Variants in LLGL1 observed in about 807,000 individuals in gnomAD.
LLGL1 encodes lethal(2) giant larvae protein homolog 1.
LLGL1 carries 58 observed loss-of-function variants against 110.6 expected under a neutral mutation model. That is an observed-to-expected ratio of 0.52 (90% CI 0.42 to 0.65). LLGL1 has a LOEUF of 0.65. Among genes scored for constraint, LLGL1 ranks in the 30% least tolerant of loss-of-function variants. LLGL1 has a pLI of 0.00. For missense variants in LLGL1, 1,229 were observed against 1,462.1 expected (o/e 0.84, Z 2.60); for synonymous variants, 674 against 607.2 (o/e 1.11, Z -1.62).
chr17:18,227,076 T>G (rs931087996), intron 1 of LLGL1, among the ~76,000 whole-genome samples: 8 of 152,176 alleles, frequency 5.3e-5, no homozygotes, highest in African/African-American at 9.7e-5. Flanking sequence ...GCCAGTGTTG[T>G]GCCAGGCGCC....
Position 18,240,704 on chromosome 17 carries a change from T to C in LLGL1, c.2333T>C (p.Leu778Pro). The change falls in exon 17 of 23, where the codon CTG (leucine) becomes CCG (proline). Residue 778 changes from leucine (L) to proline (P), a missense_variant. Coordinates refer to ENST00000316843, the MANE Select transcript of LLGL1 (RefSeq NM_004140.4). This position sits in a 1 kb window ranked among gnomAD's most constrained non-coding sequence, Gnocchi z 5.3. ...KRPEQAVEAV[L>P]GKEVQLMHRA... ...CCTGAGCAAGCGGTGGAGGCCGTGC[T>C]GGGCAAGGAGGTGCAGCTGATGCAC... 2 of 1,612,986 alleles carry C rather than the reference T, an allele frequency of 1.2e-6. No homozygotes were observed. Among genetic ancestry groups the C allele is most frequent in the African/African-American group, 1.3e-5 (1 of 75,034 alleles).
At chr17:18,231,592 T>A (rs1395441050) in intron 2 of LLGL1, among the ~76,000 whole-genome samples, 1 of 152,242 alleles carries the variant, frequency 6.6e-6, no homozygotes, top group African/African-American at 2.4e-5. Context: ...ATGGGCAGGC[T>A]GGAGTCTCTC....
chr17:18,237,676 G>T lies in LLGL1; in HGVS notation c.1807G>T (p.Ala603Ser), dbSNP rs139750751. 1.2e-6 allele frequency: 2 copies of T among 1,612,754 alleles called. No homozygotes were observed. The highest frequency in any genetic ancestry group is 1.1e-5 in the South Asian group (1 of 91,060). ...VQCLPPAAVT[A>S]VTLHTEWSLV... is the part of the protein sequence containing the mutation. ...GTGCCTGCCGCCAGCTGCTGTAACC[G>T]CTGTCACACTCCACACCGAGTGGAG... Residue 603 changes from alanine to serine, a missense_variant, in exon 14 of 23, where the codon GCT (alanine) becomes TCT (serine). Physicochemically the swap from Ala to Ser is moderately conservative, Grantham distance 99. Transcript: ENST00000316843.
At position 18,237,661 on chromosome 17, in the gene LLGL1, C is replaced by T. The variant is rs757553068; in HGVS notation, c.1792C>T (p.Pro598Ser). Residue 598 changes from proline to serine, a missense_variant, in exon 14 of 23, where the codon CCA becomes TCA. Physicochemically the swap from Pro to Ser is moderately conservative, Grantham distance 74. Coordinates refer to ENST00000316843, the MANE Select transcript of LLGL1 (RefSeq NM_004140.4). ...CCGTGTCCTGGTGCAGTGCCTGCCG[C>T]CAGCTGCTGTAACCGCTGTCACACT... ...QPRVLVQCLPPAAVTAVTLHT... is the reference protein window; with the variant it reads ...QPRVLVQCLPSAAVTAVTLHT... The T allele has an allele frequency of 1.2e-6, 2 of 1,612,442 alleles. No individual in the cohort carries two copies. The highest frequency in any genetic ancestry group is 8.5e-7 in the Non-Finnish European group (1 of 1,179,978).
chr17:18,228,886 C>A (rs1003098491), intron 1 of LLGL1, among the ~76,000 whole-genome samples: 1 of 151,914 alleles, frequency 6.6e-6, no homozygotes, highest in East Asian at 1.9e-4. Flanking sequence ...GGCCAGACAG[C>A]TAGGCCGTGA....
Position 18,241,646 on chromosome 17 carries a change from C to T in LLGL1, c.2698C>T (p.His900Tyr). The T allele has an allele frequency of 6.8e-6, 11 of 1,613,728 alleles. No homozygotes were observed. The highest frequency in any genetic ancestry group is 2.2e-5 in the East Asian group (1 of 44,884). ...GGTGCCTGGCCTGCGGCCCCAGGTG[C>T]ACTATTCCTGCATCCGGAAGGAGGA... is the stretch of plus-strand genomic sequence containing the variant. ...FSVPGLRPQV[H>Y]YSCIRKEDIS... Residue 900 changes from histidine to tyrosine, a missense_variant, in exon 18 of 23, where the codon CAC (histidine) becomes TAC (tyrosine). By Grantham distance (83) the His-to-Tyr change is moderately conservative. Transcript: ENST00000316843.
At position 18,237,547 on chromosome 17, in the gene LLGL1, C is replaced by A. The variant is rs1214972176; in HGVS notation, c.1678C>A (p.Leu560Ile). Residue 560 changes from leucine (L) to isoleucine (I), a missense_variant, in exon 14 of 23, where the codon CTC becomes ATC. Physicochemically the swap from Leu to Ile is conservative, Grantham distance 5 (BLOSUM62 2). Transcript: ENST00000316843. ...GGTCAGCGTGGCCATCATAGACCTC[C>A]TCCAGGACCGCGAGGGCTTCACATG... ...QAVSVAIIDL[L>I]QDREGFTWKG... 2 of 1,608,858 alleles carry A rather than the reference C, an allele frequency of 1.2e-6. No individual in the cohort carries two copies. Among genetic ancestry groups the A allele is most frequent in the African/African-American group, 2.7e-5 (2 of 74,828 alleles).
intron 1 of LLGL1, among the ~76,000 whole-genome samples, chr17:18,227,571 G>A (rs1326064290): frequency 1.3e-5 from 2 of 152,128 alleles, no homozygotes; most frequent in African/African-American, 2.4e-5. Flanking sequence ...ATTTTTTGTA[G>A]AGATGGGGTT....
At chr17:18,230,231 G>A (rs2047538039) in intron 2 of LLGL1, among the ~76,000 whole-genome samples, 193 bp downstream of exon 2, 1 of 152,164 alleles carries the variant, frequency 6.6e-6, no homozygotes, top group African/African-American at 2.4e-5. Context: ...AGATGATGGG[G>A]TCCTTTTGCT....
Sources: allele counts gnomAD v4.1 joint callset (sites outside exome capture counted in the v4.1 genomes callset), GRCh38; gene constraint gnomAD v4.1.1; non-coding constraint Gnocchi (gnomAD v3.1); transcripts MANE v1.5; gene names NCBI Gene and HGNC (gene_info 2026-07-23, HGNC 2026-07-21).